Variants in KDM5A observed in about 807,000 individuals in gnomAD.
The protein encoded by KDM5A is lysine demethylase 5A.
A neutral mutation model predicts 193.5 loss-of-function variants in KDM5A; 42 were observed. That is an observed-to-expected ratio of 0.22 (90% CI 0.17 to 0.28). The LOEUF is 0.28. Among genes scored for constraint, KDM5A ranks in the 10% least tolerant of loss-of-function variants. KDM5A has a pLI of 1.00. For missense variants in KDM5A, 1,692 were observed against 2,055.1 expected, an observed-to-expected ratio of 0.82 and a Z score of 3.42; for synonymous variants, 796 against 718.1, an observed-to-expected ratio of 1.11 and a Z score of -1.73.
intron 17 of KDM5A, among the ~76,000 whole-genome samples, chr12:321,768 T>C (rs1943720292): frequency 6.6e-6 from 1 of 152,204 alleles, no homozygotes; most frequent in Non-Finnish European, 1.5e-5. Flanking sequence ...TCTGCATCCA[T>C]CAAGGTTACC....
chr12:370,219 CCT>C (rs1332577472), intron 3 of KDM5A, among the ~76,000 whole-genome samples: 1 of 152,038 alleles, frequency 6.6e-6, no homozygotes, highest in Admixed American at 6.6e-5. Context: ...ATGGTGAAAC[CCT>C]GTCTCTACTA....
intron 19 of KDM5A, 32 bp from the exon 20 acceptor site, chr12:313,226 A>G (rs759989254): frequency 1.6e-5 from 26 of 1,611,728 alleles, no homozygotes; most frequent in Non-Finnish European, 2.0e-5. Context: ...AGTAGGATGC[A>G]TGAGAAATCA....
chr12:354,852 A>G (rs2137455633), intron 7 of KDM5A, among the ~76,000 whole-genome samples: 1 of 152,324 alleles, frequency 6.6e-6, no homozygotes, highest in Middle Eastern at 3.4e-3. Context: ...CTTCCCATAT[A>G]CAAATCCTCT....
At chr12:330,396 A>G (rs887973926) in intron 13 of KDM5A, among the ~76,000 whole-genome samples, 5 of 152,148 alleles carry the variant, frequency 3.3e-5, no homozygotes, top group African/African-American at 1.2e-4. Flanking sequence ...GCTTCCACAC[A>G]TATCCTCTAA....
At position 309,944 on chromosome 12, in the gene KDM5A, G is replaced by A. The variant is rs774745150; in HGVS notation, c.3237C>T (p.Asp1079=). The part of the protein sequence containing the change: ...TLLQVLSPRT[D]IGVYGSGKNR... The stretch of plus-strand genomic sequence containing the variant: ...TTTTGCCACTCCCATATACACCAAT[G>A]TCGGTCCGGGGGCTCAGCACCTACA... Residue 1079 remains aspartate, a synonymous_variant, in exon 22 of 28, where the codon GAC becomes GAT. Coordinates refer to ENST00000399788, the MANE Select transcript of KDM5A (RefSeq NM_001042603.3). 3.1e-6 allele frequency: 5 copies of A among 1,613,324 alleles called. No individual in the cohort carries two copies. The highest frequency in any genetic ancestry group is 4.2e-6 in the Non-Finnish European group (5 of 1,179,858).
intron 1 of KDM5A, among the ~76,000 whole-genome samples, chr12:386,392 G>C (rs6489475): frequency 0.84 from 128,615 of 152,234 alleles, 54,646 homozygotes; most frequent in African/African-American, 0.93. Flanking sequence ...AAAGGTGTCA[G>C]TAGCTCAGCC....
intron 3 of KDM5A, among the ~76,000 whole-genome samples, chr12:376,866 T>C (rs948800606): frequency 6.6e-6 from 1 of 152,030 alleles, no homozygotes; most frequent in Non-Finnish European, 1.5e-5. Flanking sequence ...CAAATACAAA[T>C]GTAGACAATA....
At chr12:303,673 A>G (rs1363037877) in intron 24 of KDM5A, among the ~76,000 whole-genome samples, 1 of 152,234 alleles carries the variant, frequency 6.6e-6, no homozygotes, top group Non-Finnish European at 1.5e-5. Context: ...ATTATGGTTA[A>G]GTAATCTACC....
At chr12:324,803 G>C (rs1591913831) in intron 14 of KDM5A, among the ~76,000 whole-genome samples, 1 of 151,978 alleles carries the variant, frequency 6.6e-6, no homozygotes, top group African/African-American at 2.4e-5. Context: ...AGCCCGGGGG[G>C]TGAAGGTTGC....
In KDM5A at chr12:326,864, C is replaced by CAAAAAA. The variant is rs61571425; in HGVS notation, c.1968+1965_1968+1970dup. Among the ~76,000 whole-genome samples, 34 of 85,996 alleles carry CAAAAAA rather than the reference C, an allele frequency of 4.0e-4. 1 individual carries two copies. Among genetic ancestry groups the CAAAAAA allele is most frequent in the Non-Finnish European group, 4.6e-4 (21 of 45,322 alleles). The allele number at this position is 85,996 out of a possible 152,430, so 56.4% of individuals were successfully genotyped here. A position where few individuals can be genotyped will look rare whatever the true frequency, so the allele number is the denominator to read the frequency against. On this transcript the variant is annotated intron_variant, in intron 14 of 27. Coordinates refer to ENST00000399788, the MANE Select transcript of KDM5A (RefSeq NM_001042603.3). The stretch of plus-strand genomic sequence containing the variant: ...TGGGTGACAGAGCTAGACTCTGTCT[C>CAAAAAA]AAAAAAAAAAAAAAAAAAAAAAAAA...
chr12:294,011 A>T (rs1407733163), intron 26 of KDM5A, among the ~76,000 whole-genome samples: 1 of 152,194 alleles, frequency 6.6e-6, no homozygotes, highest in Non-Finnish European at 1.5e-5. Flanking sequence ...AAACATACAC[A>T]AAAAGCAAAC....
chr12:330,154 A>C (rs1175234883), intron 13 of KDM5A, among the ~76,000 whole-genome samples: 1 of 151,018 alleles, frequency 6.6e-6, no homozygotes, highest in African/African-American at 2.4e-5. Context: ...TCATATCTTA[A>C]ATACGTACTC....
At chr12:334,144 A>C in intron 11 of KDM5A, 97 bp downstream of exon 11, 1 of 1,118,784 alleles carries the variant, frequency 8.9e-7, no homozygotes, top group Non-Finnish European at 1.3e-6. Flanking sequence ...CCTTAAATAT[A>C]CTTCTGTCTA....
intron 2 of KDM5A, among the ~76,000 whole-genome samples, chr12:384,994 A>G (rs1944622293): frequency 6.6e-6 from 1 of 152,168 alleles, no homozygotes; most frequent in African/African-American, 2.4e-5. Context: ...GTTCCAGACC[A>G]GCCTGGCCAA....
intron 10 of KDM5A, among the ~76,000 whole-genome samples, chr12:347,513 T>C (rs1030599479): frequency 6.6e-6 from 1 of 152,134 alleles, no homozygotes; most frequent in Non-Finnish European, 1.5e-5. Context: ...CTTTAAACTA[T>C]ACTACAAGGC....
chr12:326,644 G>C (rs185909152), intron 14 of KDM5A, among the ~76,000 whole-genome samples: 1 of 152,018 alleles, frequency 6.6e-6, no homozygotes, highest in South Asian at 2.1e-4. Flanking sequence ...GACGGATCAC[G>C]AGGTCAGGAG....
chr12:339,480 A>C, intron 10 of KDM5A, among the ~76,000 whole-genome samples: 1 of 152,220 alleles, frequency 6.6e-6, no homozygotes, highest in East Asian at 1.9e-4. Context: ...ATAAACAGCA[A>C]ATCTGCAACC....
chr12:362,011 CT>C (rs1944299310), intron 5 of KDM5A, among the ~76,000 whole-genome samples: 1 of 152,218 alleles, frequency 6.6e-6, no homozygotes, highest in African/African-American at 2.4e-5. Context: ...TTCAGTGTCT[CT>C]TGTTAACAGC....
At chr12:310,534 T>C (rs1293852377) in intron 21 of KDM5A, among the ~76,000 whole-genome samples, 1 of 152,064 alleles carries the variant, frequency 6.6e-6, no homozygotes, top group Non-Finnish European at 1.5e-5. Flanking sequence ...CTTGGGAGGA[T>C]GAGGTGAAAG....
Sources: gnomAD v4.1 joint callset for allele counts (sites outside exome capture counted in the v4.1 genomes callset) on GRCh38, gnomAD v4.1.1 for gene constraint, MANE v1.5 for transcripts, NCBI Gene and HGNC (gene_info 2026-07-23, HGNC 2026-07-21) for gene names.